The following ZNF184 variants were observed in gnomAD, a reference collection of about 807,000 sequenced individuals.
ZNF184 encodes zinc finger protein 184.
Under a neutral mutation model 54.4 loss-of-function variants are expected in ZNF184, and 16 were observed. The ratio of observed to expected loss-of-function variants is 0.29; its 90% CI spans 0.20 to 0.45. ZNF184 has a LOEUF of 0.45. Ranked by LOEUF, ZNF184 falls within the 20% of genes least tolerant of loss-of-function variation. The pLI, the probability that ZNF184 is intolerant of heterozygous loss-of-function variation, is 1.00. For missense variants in ZNF184, 681 were observed against 888.2 expected (o/e 0.77, Z 2.97); for synonymous variants, 254 against 295.3 (o/e 0.86, Z 1.43).
At chr6:27,416,923 CAGAT>C in the ZNF184 span, among the ~76,000 whole-genome samples, 1 of 152,120 alleles carries the variant, frequency 6.6e-6, no homozygotes, top group Non-Finnish European at 1.5e-5. Context: ...CAAGATGACA[CAGAT>C]AGAAAAATCC....
chr6:27,415,008 G>T, the ZNF184 span, among the ~76,000 whole-genome samples: 2 of 152,160 alleles, frequency 1.3e-5, no homozygotes, highest in African/African-American at 4.8e-5. Context: ...GTTGTTAAAA[G>T]TATCTTCCCT....
the ZNF184 span, among the ~76,000 whole-genome samples, chr6:27,424,320 T>C: frequency 7.9e-3 from 1,207 of 152,294 alleles, 13 homozygotes; most frequent in Non-Finnish European, 0.011. Flanking sequence ...GCAAGATTTA[T>C]TGCAAAGAGT....
At chr6:27,411,803 G>A in the ZNF184 span, among the ~76,000 whole-genome samples, 1 of 152,148 alleles carries the variant, frequency 6.6e-6, no homozygotes, top group Non-Finnish European at 1.5e-5. Flanking sequence ...TGCTTGGCAT[G>A]GGCCCTTACT....
chr6:27,459,937 A>C (rs1349532055), intron 3 of ZNF184, among the ~76,000 whole-genome samples: 2 of 152,212 alleles, frequency 1.3e-5, no homozygotes, highest in African/African-American at 4.8e-5. Context: ...CCAAGGTGGG[A>C]GGACTGCTTG....
At chr6:27,461,874 A>T (rs1442274616) in intron 3 of ZNF184, among the ~76,000 whole-genome samples, 1 of 152,202 alleles carries the variant, frequency 6.6e-6, no homozygotes, top group Non-Finnish European at 1.5e-5. Flanking sequence ...AAGCAAGGAA[A>T]ACTGCAGAGG....
At chr6:27,442,810 A>AAGAG in the ZNF184 span, among the ~76,000 whole-genome samples, 1 of 73,216 alleles carries the variant, frequency 1.4e-5, no homozygotes, top group Non-Finnish European at 2.9e-5. Flanking sequence ...AAGAGAAAGA[A>AAGAG]AGAGAAAGAA....
At chr6:27,423,757 G>C in the ZNF184 span, among the ~76,000 whole-genome samples, 1 of 152,094 alleles carries the variant, frequency 6.6e-6, no homozygotes, top group Non-Finnish European at 1.5e-5. Flanking sequence ...TGTGTATTAG[G>C]TTTATGCTTA....
the ZNF184 span, among the ~76,000 whole-genome samples, chr6:27,420,956 T>A: frequency 6.6e-6 from 1 of 152,120 alleles, no homozygotes; most frequent in African/African-American, 2.4e-5. Context: ...TGGAGACAAC[T>A]TAAGTGCATA....
At chr6:27,457,861 G>C (rs1762900038) in intron 3 of ZNF184, among the ~76,000 whole-genome samples, 1 of 152,088 alleles carries the variant, frequency 6.6e-6, no homozygotes, top group Non-Finnish European at 1.5e-5. Flanking sequence ...AAATGGCCTA[G>C]TCTGGAATAA....
Position 27,451,191 on chromosome 6 carries a change from A to G in ZNF184, c.*112T>C. On this transcript the variant is annotated 3_prime_UTR_variant, in exon 6 of 6. Transcript: ENST00000683788. ...TTTCCATTCCATAACATGATAGTGA[A>G]AATTTAAAAGATTTCAAGGCAGTTT... 7.6e-7 allele frequency: 1 copy of G among 1,315,988 alleles called. No individual in the cohort carries two copies. The allele number at this position is 1,315,988 out of a possible 1,614,324, so 81.5% of individuals were successfully genotyped here. A position where few individuals can be genotyped will look rare whatever the true frequency, so the allele number is the denominator to read the frequency against.
the ZNF184 span, among the ~76,000 whole-genome samples, chr6:27,425,007 C>T: frequency 6.6e-6 from 1 of 152,214 alleles, no homozygotes; most frequent in Non-Finnish European, 1.5e-5. Flanking sequence ...AGAAATCGAG[C>T]GCAGCACCGG....
rs202215684 is a variant in ZNF184, at chr6:27,471,899, TC to T, written c.7+388del. On this transcript the variant is annotated intron_variant, in intron 2 of 5. Coordinates refer to ENST00000683788, the MANE Select transcript of ZNF184 (RefSeq NM_001318891.2). ...ATGGCGAGTTTAATGCCACACTAGT[TC>T]GGGCATAGGGTTGACAGACAGCCGT... Among the ~76,000 whole-genome samples the T allele has an allele frequency of 9.6e-3, 1,459 of 152,240 alleles. 20 individuals carry two copies. Among genetic ancestry groups the T allele is most frequent in the African/African-American group, 0.025 (1,037 of 41,526 alleles).
At chr6:27,464,671 A>C (rs1467189223) in intron 3 of ZNF184, among the ~76,000 whole-genome samples, 1 of 152,230 alleles carries the variant, frequency 6.6e-6, no homozygotes, top group Non-Finnish European at 1.5e-5. Flanking sequence ...ATCATACTGA[A>C]TACAAATGGT....
chr6:27,456,729 G>T, intron 5 of ZNF184, 97 bp downstream of exon 5: 2 of 1,040,672 alleles, frequency 1.9e-6, no homozygotes. Context: ...ATACTTTAAA[G>T]GGAAGAAAGT....
At chr6:27,422,148 A>AAAAAAGAAAGAAAGAAAGAAAG in the ZNF184 span, among the ~76,000 whole-genome samples, 3 of 43,456 alleles carry the variant, frequency 6.9e-5, no homozygotes, top group African/African-American at 2.5e-4. Context: ...CTCAAAAAAA[A>AAAAAAGAAAGAAAGAAAGAAAG]AAAGAAAGAA....
At chr6:27,455,114 AT>A (rs1561836986) in intron 5 of ZNF184, among the ~76,000 whole-genome samples, 1 of 152,228 alleles carries the variant, frequency 6.6e-6, no homozygotes, top group Non-Finnish European at 1.5e-5. Flanking sequence ...ACTATACGAC[AT>A]TTTTATAAAG....
In ZNF184 at chr6:27,451,206, C is replaced by A; in HGVS notation, c.*97G>T. Reference sequence around the variant, plus strand: ...ATGATAGTGAAAATTTAAAAGATTTCAAGGCAGTTTCTAAATCCACTCTGA... The same window carrying A: ...ATGATAGTGAAAATTTAAAAGATTTAAAGGCAGTTTCTAAATCCACTCTGA... On this transcript the variant is annotated 3_prime_UTR_variant, in exon 6 of 6. Transcript: ENST00000683788. 2 of 1,400,776 alleles carry A rather than the reference C, an allele frequency of 1.4e-6. No individual in the cohort carries two copies. Among genetic ancestry groups the A allele is most frequent in the South Asian group, 1.5e-5 (1 of 67,458 alleles). 86.8% of individuals were successfully genotyped at this position (1,400,776 alleles called of 1,614,324 possible).
intron 2 of ZNF184, among the ~76,000 whole-genome samples, chr6:27,470,201 T>C (rs775948880): frequency 1.3e-5 from 2 of 151,970 alleles, no homozygotes; most frequent in African/African-American, 2.4e-5. Context: ...GACTAAGAGA[T>C]GGATTATTGT....
the ZNF184 span, among the ~76,000 whole-genome samples, chr6:27,429,210 A>G: frequency 6.6e-6 from 1 of 152,240 alleles, no homozygotes. Flanking sequence ...ATGAACCTAC[A>G]GAAGTAATAG....
Sources: gnomAD v4.1 joint callset for allele counts (sites outside exome capture counted in the v4.1 genomes callset) on GRCh38, gnomAD v4.1.1 for gene constraint, MANE v1.5 for transcripts, NCBI Gene and HGNC (gene_info 2026-07-23, HGNC 2026-07-21) for gene names.